ARHGAP42: variants seen among roughly 807,000 people sequenced by gnomAD.
ARHGAP42 encodes the protein rho GTPase-activating protein 42.
ARHGAP42 carries 63 observed loss-of-function variants against 125.0 expected under a neutral mutation model. The ratio of observed to expected loss-of-function variants is 0.50; its 90% confidence interval spans 0.41 to 0.62. The LOEUF (loss-of-function observed/expected upper bound fraction) is 0.62, where lower values mean the gene tolerates loss of function less well. Among genes scored for constraint, ARHGAP42 ranks in the 20% least tolerant of loss-of-function variants. The pLI, the probability that ARHGAP42 is intolerant of heterozygous loss-of-function variation, is 0.00. For missense variants in ARHGAP42, 766 were observed against 1,024.2 expected (o/e 0.75, Z 3.44); for synonymous variants, 339 against 351.0 (o/e 0.97, Z 0.38).
At chr11:100,976,538 A>G in intron 20 of ARHGAP42, 101 bp downstream of exon 20, 1 of 1,404,624 alleles carries the variant, frequency 7.1e-7, no homozygotes, top group Admixed American at 2.9e-5. Context: ...TGGTGGAGAA[A>G]CTAATGATGC....
chr11:100,903,709 A>AAT (rs139506492), intron 4 of ARHGAP42, among the ~76,000 whole-genome samples: 844 of 63,040 alleles, frequency 0.013, 12 homozygotes, highest in Middle Eastern at 0.018. Flanking sequence ...TGTCCCTCAA[A>AAT]ATATATATAT....
chr11:100,741,220 G>T lies in ARHGAP42; in HGVS notation c.155-29123G>T, dbSNP rs541441558. The stretch of plus-strand genomic sequence containing the variant: ...TAATTTTTGTATTTTTAGTACAGAC[G>T]GGGTTTCACCATATCGGCGAGGCTG... On this transcript the variant is annotated intron_variant, in intron 1 of 23. Transcript: ENST00000298815. Among the ~76,000 whole-genome samples, 16 of 152,136 alleles carry T rather than the reference G, an allele frequency of 1.1e-4. No individual in the cohort carries two copies. In the South Asian group the frequency reaches 3.3e-3, roughly 32 times the overall value.
At chr11:100,875,341 A>G (rs1865795799) in intron 4 of ARHGAP42, among the ~76,000 whole-genome samples, 1 of 152,118 alleles carries the variant, frequency 6.6e-6, no homozygotes. Context: ...CCGCTTTATC[A>G]GGTCCTGTTC....
At chr11:100,836,778 G>A (rs1276348826) in intron 3 of ARHGAP42, among the ~76,000 whole-genome samples, 1 of 105,634 alleles carries the variant, frequency 9.5e-6, no homozygotes, top group South Asian at 3.3e-4. Flanking sequence ...AAATATACAT[G>A]CATTAAAAAA....
chr11:100,948,660 CA>C, intron 11 of ARHGAP42, 125 bp downstream of exon 11: 1 of 712,160 alleles, frequency 1.4e-6, no homozygotes, highest in Non-Finnish European at 2.2e-6. Context: ...AAAAGGAAAT[CA>C]GGGGAGTAGA....
chr11:100,901,351 T>G (rs1383099358), intron 4 of ARHGAP42, among the ~76,000 whole-genome samples: 1 of 152,154 alleles, frequency 6.6e-6, no homozygotes, highest in East Asian at 1.9e-4. Flanking sequence ...GTCTCCCAAT[T>G]AGGCTACATG....
rs1040956117 is a variant in ARHGAP42 at position 100,943,939 on chromosome 11, A to T, written c.1043+71A>T. 1.6e-5 allele frequency: 16 copies of T among 987,124 alleles called. No individual in the cohort carries two copies. In the Admixed American group the frequency reaches 3.8e-4, roughly 23 times the overall value. 61.1% of individuals were successfully genotyped at this position (987,124 alleles called of 1,614,324 possible). A position where few individuals can be genotyped will look rare whatever the true frequency, so the allele number is the denominator to read the frequency against. ...TGTCTCTTTCTGTATTTAAATATAAACATGAAACAGCATTCAAGTGTTTTT... is the reference window on the plus strand; with the variant it reads ...TGTCTCTTTCTGTATTTAAATATAATCATGAAACAGCATTCAAGTGTTTTT... On this transcript the variant is annotated intron_variant, in intron 10 of 23. Coordinates refer to ENST00000298815, the MANE Select transcript of ARHGAP42 (RefSeq NM_152432.4).
Position 100,792,826 on chromosome 11 carries a change from T to TA in ARHGAP42, c.251-2278dup, listed in dbSNP as rs1216050653. ...GGAGTGCAGTGGCACGATCTCGGCT[T>TA]ACTGCAAGCTCTGCCTTCCGGGTTC... On this transcript the variant is annotated intron_variant, in intron 2 of 23. Transcript: ENST00000298815. 2.0e-5 allele frequency among the ~76,000 whole-genome samples: 3 copies of TA among 151,844 alleles called. No individual in the cohort carries two copies. The East Asian group carries it at 5.8e-4, about 29-fold the overall frequency.
chr11:100,965,996 C>T (rs568561733), intron 17 of ARHGAP42, among the ~76,000 whole-genome samples: 1 of 151,924 alleles, frequency 6.6e-6, no homozygotes, highest in East Asian at 1.9e-4. Flanking sequence ...ATAATTATAT[C>T]CTTTGCAATT....
intron 5 of ARHGAP42, among the ~76,000 whole-genome samples, chr11:100,917,090 T>C (rs942321682): frequency 6.6e-6 from 1 of 151,998 alleles, no homozygotes; most frequent in East Asian, 1.9e-4. Flanking sequence ...TTGCAATTCT[T>C]ACTATCTTCA....
chr11:100,957,056 A>G (rs894960566), intron 12 of ARHGAP42, among the ~76,000 whole-genome samples: 4 of 152,092 alleles, frequency 2.6e-5, no homozygotes, highest in Non-Finnish European at 2.9e-5. Context: ...CTAAGCATAC[A>G]CTATTCTAGG....
chr11:100,900,316 C>G (rs1021134493), intron 4 of ARHGAP42, among the ~76,000 whole-genome samples: 1 of 152,158 alleles, frequency 6.6e-6, no homozygotes, highest in African/African-American at 2.4e-5. Context: ...GTAACCTGAC[C>G]TTTCTCTCTG....
chr11:100,898,309 T>G (rs962147835), intron 4 of ARHGAP42, among the ~76,000 whole-genome samples: 1 of 152,174 alleles, frequency 6.6e-6, no homozygotes, highest in Non-Finnish European at 1.5e-5. Flanking sequence ...TCTCTTTTTT[T>G]GTTGTGTCTC....
intron 3 of ARHGAP42, among the ~76,000 whole-genome samples, chr11:100,827,430 T>G (rs192464520): frequency 4.6e-5 from 7 of 152,344 alleles, no homozygotes; most frequent in African/African-American, 1.4e-4. Flanking sequence ...GAAGCTGATG[T>G]GGCCTGTGGC....
intron 4 of ARHGAP42, among the ~76,000 whole-genome samples, chr11:100,910,853 C>CT (rs1339284849): frequency 3.9e-5 from 6 of 151,916 alleles, no homozygotes; most frequent in Admixed American, 1.3e-4. Flanking sequence ...CCCTTGAGAT[C>CT]TTTTTTTCTG....
At chr11:100,986,745 GC>G (rs1858687835) in intron 22 of ARHGAP42, among the ~76,000 whole-genome samples, 1 of 152,080 alleles carries the variant, frequency 6.6e-6, no homozygotes, top group African/African-American at 2.4e-5. Context: ...AAGGAGACCT[GC>G]CTGGTGCCTT....
At chr11:100,982,363 A>G (rs1284235715) in intron 22 of ARHGAP42, among the ~76,000 whole-genome samples, 1 of 152,210 alleles carries the variant, frequency 6.6e-6, no homozygotes, top group African/African-American at 2.4e-5. Flanking sequence ...CTTATAAACC[A>G]CAATGTCCAA....
chr11:100,714,389 TTGTGTG>T (rs10609660), intron 1 of ARHGAP42, among the ~76,000 whole-genome samples: 33,489 of 149,614 alleles, frequency 0.22, 4,072 homozygotes, highest in East Asian at 0.43. Flanking sequence ...ACATAAAAAT[TTGTGTG>T]TGTGTGTGTG....
At chr11:100,849,368 G>T (rs1157107301) in intron 3 of ARHGAP42, among the ~76,000 whole-genome samples, 1 of 152,176 alleles carries the variant, frequency 6.6e-6, no homozygotes, top group Non-Finnish European at 1.5e-5. Context: ...GAAAAGACCA[G>T]GGCCGAGAGT....
Sources: allele counts gnomAD v4.1 joint callset (sites outside exome capture counted in the v4.1 genomes callset), GRCh38; gene constraint gnomAD v4.1.1; transcripts MANE v1.5; gene names NCBI Gene and HGNC (gene_info 2026-07-23, HGNC 2026-07-21).